The following CHL1 variants were observed in gnomAD, a reference collection of about 807,000 sequenced individuals.
The protein encoded by CHL1 is neural cell adhesion molecule L1-like protein.
Under a neutral mutation model 141.9 loss-of-function variants are expected in CHL1, and 96 were observed. The observed-to-expected ratio is 0.68, with a 90% CI of 0.57 to 0.80. The LOEUF (loss-of-function observed/expected upper bound fraction) is 0.80, where lower values mean the gene tolerates loss of function less well. Among genes scored for constraint, CHL1 ranks in the 30% least tolerant of loss-of-function variants. The pLI, the probability that CHL1 is intolerant of heterozygous loss-of-function variation, is 0.00. For missense variants in CHL1, 1,820 were observed against 1,457.2 expected (o/e 1.25, Z -4.05); for synonymous variants, 613 against 502.2 (o/e 1.22, Z -2.95).
chr3:263,629 T>C (rs1014448788), intron 2 of CHL1, among the ~76,000 whole-genome samples: 3 of 152,230 alleles, frequency 2.0e-5, no homozygotes, highest in African/African-American at 7.2e-5. Flanking sequence ...TGCATCTAGC[T>C]TTGATTTATT....
intron 2 of CHL1, among the ~76,000 whole-genome samples, chr3:265,441 A>G (rs1695069660): frequency 6.6e-6 from 1 of 152,222 alleles, no homozygotes; most frequent in Non-Finnish European, 1.5e-5. Flanking sequence ...ACTGTAACTC[A>G]AATAATTGTG....
At chr3:246,762 T>A (rs1693212029) in intron 2 of CHL1, 1 of 152,120 alleles carries the variant, frequency 6.6e-6, no homozygotes, top group African/African-American at 2.4e-5. Flanking sequence ...TCTTATGAGA[T>A]TGAGTTTGTG....
chr3:225,041 G>A lies in CHL1; in HGVS notation c.-174-19572G>A, dbSNP rs138341836. ...ATCCCAGCTACTCAGGAGGCCGGGC[G>A]GGAGAACACTTGAACTCAGGAGGCA... On this transcript the variant is annotated intron_variant, in intron 1 of 27. Transcript: ENST00000256509. 2.8e-3 allele frequency among the ~76,000 whole-genome samples: 429 copies of A among 152,148 alleles called. 1 individual carries two copies. The highest frequency in any genetic ancestry group is 9.7e-3 in the African/African-American group (402 of 41,496).
At chr3:362,730 C>G (rs1206438162) in intron 13 of CHL1, among the ~76,000 whole-genome samples, 2 of 152,130 alleles carry the variant, frequency 1.3e-5, no homozygotes, top group African/African-American at 2.4e-5. Flanking sequence ...GGAAATGGCT[C>G]TGGGGTTGAT....
chr3:209,970 T>G (rs1465734504), intron 1 of CHL1, among the ~76,000 whole-genome samples: 2 of 152,232 alleles, frequency 1.3e-5, no homozygotes, highest in African/African-American at 4.8e-5. Flanking sequence ...CTTTTGAAGT[T>G]GAGCTCATGC....
At chr3:319,494 C>A (rs1366182560) in intron 2 of CHL1, among the ~76,000 whole-genome samples, 189 bp from the exon 3 acceptor site, 1 of 150,430 alleles carries the variant, frequency 6.6e-6, no homozygotes, top group Non-Finnish European at 1.5e-5. Context: ...AGTATATATT[C>A]GCTGTCCTTT....
intron 1 of CHL1, chr3:213,251 G>A (rs191329778): frequency 3.9e-5 from 6 of 152,300 alleles, no homozygotes; most frequent in South Asian, 2.1e-4. Context: ...CCCATGATGC[G>A]TTCACCTATG....
chr3:333,260 G>C (rs1441616875), intron 5 of CHL1, among the ~76,000 whole-genome samples: 1 of 150,714 alleles, frequency 6.6e-6, no homozygotes, highest in Non-Finnish European at 1.5e-5. Flanking sequence ...ATATTGAATA[G>C]TAACCCAACC....
intron 27 of CHL1, among the ~76,000 whole-genome samples, chr3:401,901 C>G (rs570207443): frequency 1.3e-5 from 2 of 152,284 alleles, no homozygotes; most frequent in East Asian, 3.9e-4. Flanking sequence ...TAAATAATTA[C>G]CGTCTAGGCA....
intron 2 of CHL1, among the ~76,000 whole-genome samples, chr3:246,323 T>C (rs939790260): frequency 4.6e-5 from 7 of 152,142 alleles, no homozygotes; most frequent in Non-Finnish European, 7.4e-5. Context: ...ACACCCTTCT[T>C]GCTCGTAGCC....
chr3:377,395 G>A (rs1007804618), intron 15 of CHL1, among the ~76,000 whole-genome samples: 3 of 152,146 alleles, frequency 2.0e-5, no homozygotes, highest in Non-Finnish European at 4.4e-5. Flanking sequence ...CTGGTTCTGT[G>A]GAATGGAGAT....
chr3:269,818 A>T (rs1298371708), intron 2 of CHL1, among the ~76,000 whole-genome samples: 1 of 152,098 alleles, frequency 6.6e-6, no homozygotes, highest in African/African-American at 2.4e-5. Flanking sequence ...GAGCCACCAC[A>T]CTCAGCCAAA....
At chr3:318,660 T>C (rs964601003) in intron 2 of CHL1, among the ~76,000 whole-genome samples, 1 of 151,328 alleles carries the variant, frequency 6.6e-6, no homozygotes, top group African/African-American at 2.4e-5. Flanking sequence ...CTTTGTCTTC[T>C]GCTTGAACCA....
chr3:392,079 A>G (rs1708272739), intron 23 of CHL1, among the ~76,000 whole-genome samples: 1 of 152,108 alleles, frequency 6.6e-6, no homozygotes, highest in Admixed American at 6.5e-5. Flanking sequence ...ATCTCAATGG[A>G]GACTACACAG....
At chr3:319,627 T>C in intron 2 of CHL1, 56 bp from the exon 3 acceptor site, 1 of 547,030 alleles carries the variant, frequency 1.8e-6, no homozygotes, top group Non-Finnish European at 3.2e-6. Context: ...ATTTAATTTG[T>C]TCTGTTGAAA....
At position 360,648 on chromosome 3, in the gene CHL1, G is replaced by A. The variant is rs577855268; in HGVS notation, c.1306+224G>A. Among the ~76,000 whole-genome samples, 1,113 of 149,614 alleles carry A rather than the reference G, an allele frequency of 7.4e-3. 18 individuals are homozygous for A. Among genetic ancestry groups the A allele is most frequent in the African/African-American group, 0.026 (1,059 of 40,214 alleles). On this transcript the variant is annotated intron_variant, in intron 12 of 27. Transcript: ENST00000256509. Reference sequence around the variant, plus strand: ...GTACATGTGCACAATGTGCAGGTTAGTTACATATGTATACATGTGCCATGC... The same window carrying A: ...GTACATGTGCACAATGTGCAGGTTAATTACATATGTATACATGTGCCATGC...
intron 1 of CHL1, among the ~76,000 whole-genome samples, chr3:242,325 G>T (rs71306194): frequency 1.3e-5 from 2 of 150,680 alleles, no homozygotes; most frequent in South Asian, 2.1e-4. Context: ...GGCTGAGCGC[G>T]GTGGCTCACG....
chr3:258,930 A>G (rs1694435347), intron 2 of CHL1, among the ~76,000 whole-genome samples: 1 of 146,316 alleles, frequency 6.8e-6, no homozygotes, highest in African/African-American at 2.6e-5. Context: ...ACGTATGGCA[A>G]CATCTTTTTT....
intron 5 of CHL1, among the ~76,000 whole-genome samples, chr3:333,882 C>T (rs1487067970): frequency 6.6e-6 from 1 of 152,174 alleles, no homozygotes; most frequent in Admixed American, 6.5e-5. Flanking sequence ...GATTTCTCCA[C>T]TTAGCATTCC....
Sources: allele counts gnomAD v4.1 joint callset (sites outside exome capture counted in the v4.1 genomes callset), GRCh38; gene constraint gnomAD v4.1.1; transcripts MANE v1.5; gene names NCBI Gene and HGNC (gene_info 2026-07-23, HGNC 2026-07-21).